The following SPATS2L variants were observed in gnomAD, a reference collection of about 807,000 sequenced individuals.
SPATS2L encodes the protein SPATS2-like protein.
A neutral mutation model predicts 59.6 loss-of-function variants in SPATS2L; 30 were observed. The ratio of observed to expected loss-of-function variants is 0.50; its 90% CI spans 0.38 to 0.68. The LOEUF is 0.68. SPATS2L is among the 30% of genes least tolerant of loss of function. SPATS2L has a pLI of 0.00. For missense variants in SPATS2L, 615 were observed against 700.0 expected (o/e 0.88, Z 1.37); for synonymous variants, 252 against 263.5 (o/e 0.96, Z 0.42).
intron 2 of SPATS2L, chr2:200,373,144 C>T (rs1317445605): frequency 6.6e-6 from 1 of 152,066 alleles, no homozygotes; most frequent in African/African-American, 2.4e-5. Flanking sequence ...CACCATACAG[C>T]ATGGCTTTAG....
chr2:200,321,776 C>T (rs1222796568), intron 1 of SPATS2L, among the ~76,000 whole-genome samples: 1 of 152,164 alleles, frequency 6.6e-6, no homozygotes, highest in African/African-American at 2.4e-5. Context: ...TATTAATGTT[C>T]CAGGTTATAT....
intron 9 of SPATS2L, among the ~76,000 whole-genome samples, chr2:200,466,828 G>C (rs750823685): frequency 6.6e-6 from 1 of 152,214 alleles, no homozygotes; most frequent in Non-Finnish European, 1.5e-5. Flanking sequence ...GTCACCCTAA[G>C]TGAGTATGTG....
At chr2:200,398,440 C>A (rs1180558517) in intron 3 of SPATS2L, among the ~76,000 whole-genome samples, 1 of 152,124 alleles carries the variant, frequency 6.6e-6, no homozygotes, top group Non-Finnish European at 1.5e-5. Flanking sequence ...AATTTCCCAT[C>A]CTTTAGCAAA....
Position 200,421,880 on chromosome 2 carries a change from A to G in SPATS2L, c.445+2384A>G, listed in dbSNP as rs114963767. Among the ~76,000 whole-genome samples, 388 of 152,362 alleles carry G rather than the reference A, an allele frequency of 2.5e-3. 3 individuals are homozygous for G. The highest frequency in any genetic ancestry group is 6.8e-3 in the Middle Eastern group (2 of 294). On this transcript the variant is annotated intron_variant, in intron 6 of 12. Coordinates refer to ENST00000409140, the MANE Select transcript of SPATS2L (RefSeq NM_001100423.2). ...TCCAATTACTCAAGTTGCCATTTTG[A>G]TATCAATCATAGACTAAAAGCTTAG...
chr2:200,369,036 C>T (rs556490436), intron 2 of SPATS2L, among the ~76,000 whole-genome samples: 6 of 149,286 alleles, frequency 4.0e-5, no homozygotes, highest in Non-Finnish European at 7.4e-5. Context: ...GTCTAACAGT[C>T]CATAACTGTT....
intron 3 of SPATS2L, among the ~76,000 whole-genome samples, chr2:200,408,724 A>G (rs1446591000): frequency 2.0e-5 from 3 of 152,244 alleles, no homozygotes; most frequent in Non-Finnish European, 2.9e-5. Context: ...TGAAAGTCAC[A>G]CTGCCTCACT....
chr2:200,327,888 G>T (rs910774368), intron 1 of SPATS2L, among the ~76,000 whole-genome samples: 1 of 150,556 alleles, frequency 6.6e-6, no homozygotes, highest in Non-Finnish European at 1.5e-5. Context: ...ACATACACAC[G>T]CAAACAAAAG....
chr2:200,446,839 A>T (rs2085080801), intron 8 of SPATS2L, among the ~76,000 whole-genome samples: 1 of 152,234 alleles, frequency 6.6e-6, no homozygotes, highest in South Asian at 2.1e-4. Flanking sequence ...ATTTCATAAC[A>T]GTGCAGCAGG....
At chr2:200,428,086 G>A (rs2083689327) in intron 6 of SPATS2L, among the ~76,000 whole-genome samples, 1 of 151,238 alleles carries the variant, frequency 6.6e-6, no homozygotes, top group Admixed American at 6.6e-5. Context: ...AAAAAAAAAG[G>A]AGTTTTCTTG....
intron 3 of SPATS2L, among the ~76,000 whole-genome samples, chr2:200,391,192 G>C (rs1253897222): frequency 6.6e-6 from 1 of 152,072 alleles, no homozygotes; most frequent in Non-Finnish European, 1.5e-5. Flanking sequence ...CCACAGTAGA[G>C]CAGCAGTACC....
chr2:200,403,677 A>G (rs527487042), intron 3 of SPATS2L, among the ~76,000 whole-genome samples: 33 of 152,296 alleles, frequency 2.2e-4, no homozygotes, highest in Non-Finnish European at 3.7e-4. Flanking sequence ...ATCTACCACT[A>G]CATTTCTTAC....
chr2:200,352,590 T>C (rs1232303271), intron 2 of SPATS2L, among the ~76,000 whole-genome samples: 11 of 151,988 alleles, frequency 7.2e-5, no homozygotes, highest in African/African-American at 7.3e-5. Context: ...CCTCTGTTCC[T>C]GAAGGCTCTT....
rs1305427076 is a variant in SPATS2L, at chr2:200,435,158, A to G, written c.446-3964A>G. Among the ~76,000 whole-genome samples the G allele has an allele frequency of 2.6e-5, 4 of 152,196 alleles. No homozygotes were observed. The East Asian group carries it at 7.7e-4, about 29-fold the overall frequency. ...CTCATTTATTGCCTATTAATAAACC[A>G]GAGCTGATACACTGTGCACTCTCCA... is the stretch of plus-strand genomic sequence containing the variant. On this transcript the variant is annotated intron_variant, in intron 6 of 12. Transcript: ENST00000409140.
intron 2 of SPATS2L, among the ~76,000 whole-genome samples, chr2:200,338,370 T>G (rs972367803): frequency 1.3e-5 from 2 of 152,118 alleles, no homozygotes; most frequent in African/African-American, 4.8e-5. Context: ...TTTAGTAGAT[T>G]GAGATCTTCT....
rs1336769519 is a variant in SPATS2L at position 200,463,658 on chromosome 2, C to T, written c.848-3632C>T. Among the ~76,000 whole-genome samples the T allele has an allele frequency of 2.6e-5, 4 of 152,198 alleles. No homozygotes were observed. The East Asian group carries it at 7.7e-4, about 29-fold the overall frequency. ...ACCAAGTGTGTTGTAGTGCTAGGGT[C>T]TCAAACTTCCTGTTTATACCCACAT... On this transcript the variant is annotated intron_variant, in intron 9 of 12. Coordinates refer to ENST00000409140, the MANE Select transcript of SPATS2L (RefSeq NM_001100423.2).
intron 6 of SPATS2L, among the ~76,000 whole-genome samples, chr2:200,424,636 A>C (rs1373023110): frequency 6.6e-6 from 1 of 152,154 alleles, no homozygotes; most frequent in Non-Finnish European, 1.5e-5. Context: ...ATGCTTCCTG[A>C]GGCTCATAAG....
At chr2:200,427,585 A>G (rs2106042396) in intron 6 of SPATS2L, among the ~76,000 whole-genome samples, 1 of 151,136 alleles carries the variant, frequency 6.6e-6, no homozygotes, top group South Asian at 2.1e-4. Context: ...CAGTGAATGT[A>G]AATAAAACTA....
intron 11 of SPATS2L, among the ~76,000 whole-genome samples, chr2:200,470,484 A>G (rs2086943951): frequency 6.6e-6 from 1 of 152,222 alleles, no homozygotes; most frequent in Admixed American, 6.5e-5. Context: ...GAGGCTGCAG[A>G]TAATGAAAGA....
chr2:200,400,745 G>A (rs2082499777), intron 3 of SPATS2L, among the ~76,000 whole-genome samples: 2 of 152,018 alleles, frequency 1.3e-5, no homozygotes, highest in South Asian at 4.2e-4. Context: ...TCATTTCTAG[G>A]AATTAAAGAA....
Sources: gnomAD v4.1 joint callset for allele counts (sites outside exome capture counted in the v4.1 genomes callset) on GRCh38, gnomAD v4.1.1 for gene constraint, MANE v1.5 for transcripts, NCBI Gene and HGNC (gene_info 2026-07-23, HGNC 2026-07-21) for gene names.